DLGAP1: variants seen among roughly 807,000 people sequenced by gnomAD.
DLGAP1 encodes the protein disks large-associated protein 1.
Under a neutral mutation model 90.8 loss-of-function variants are expected in DLGAP1, and 11 were observed. The observed-to-expected ratio is 0.12, with a 90% CI of 0.08 to 0.20. The LOEUF is 0.20. Ranked by LOEUF, DLGAP1 falls within the 10% of genes least tolerant of loss-of-function variation. The pLI is 1.00. For missense variants in DLGAP1, 1,050 were observed against 1,333.8 expected, an observed-to-expected ratio of 0.79 and a Z score of 3.31; for synonymous variants, 558 against 540.7, an observed-to-expected ratio of 1.03 and a Z score of -0.44.
At chr18:3,874,315 C>A in intron 4 of DLGAP1, 1 of 1,536,356 alleles carries the variant, frequency 6.5e-7, no homozygotes, top group South Asian at 1.2e-5. Flanking sequence ...CTCTCTCTCT[C>A]CACTTCTACC....
rs2043757370 is a variant in DLGAP1, at chr18:3,711,884, C to T, written c.1591+17251G>A. On this transcript the variant is annotated intron_variant, in intron 7 of 12. Transcript: ENST00000315677. This position sits in a 1 kb window ranked among gnomAD's most constrained non-coding sequence, Gnocchi z 4.0. ...AAATAAAAAAAGGAAGACAGAAATG[C>T]ATCGGAGTATGAGGTTGTGGTTTAG... Among the ~76,000 whole-genome samples the T allele has an allele frequency of 6.6e-6, 1 of 151,942 alleles. No homozygotes were observed. Among genetic ancestry groups the T allele is most frequent in the Non-Finnish European group, 1.5e-5 (1 of 67,962 alleles).
chr18:3,523,238 A>G (rs559484225), intron 10 of DLGAP1, among the ~76,000 whole-genome samples: 5 of 151,912 alleles, frequency 3.3e-5, no homozygotes, highest in South Asian at 2.1e-4. Flanking sequence ...TTAGCCGGGC[A>G]TGGTGGTGCA....
chr18:4,450,976 A>G (rs998016698), intron 1 of DLGAP1, among the ~76,000 whole-genome samples: 16 of 152,242 alleles, frequency 1.1e-4, no homozygotes, highest in Admixed American at 7.9e-4. Flanking sequence ...CTGTGGATAT[A>G]GATCCACAGG....
intron 1 of DLGAP1, among the ~76,000 whole-genome samples, chr18:4,227,878 TGAA>T (rs1383608958): frequency 6.6e-6 from 1 of 150,636 alleles, no homozygotes; most frequent in Non-Finnish European, 1.5e-5. Context: ...GAAAATGAAA[TGAA>T]GAAAACAATA....
intron 9 of DLGAP1, among the ~76,000 whole-genome samples, chr18:3,544,911 G>C (rs1241351144): frequency 6.6e-6 from 1 of 151,690 alleles, no homozygotes; most frequent in Admixed American, 6.6e-5. Context: ...AATAAATTTT[G>C]CCCTCTATTA....
intron 3 of DLGAP1, among the ~76,000 whole-genome samples, chr18:3,990,187 T>C (rs1180966475): frequency 2.0e-5 from 3 of 152,212 alleles, no homozygotes; most frequent in Non-Finnish European, 4.4e-5. Flanking sequence ...TGCACGTGTA[T>C]GTTTATTGCG....
intron 1 of DLGAP1, among the ~76,000 whole-genome samples, chr18:4,180,254 C>T (rs2077183967): frequency 6.6e-6 from 1 of 152,162 alleles, no homozygotes. Context: ...GCACTCCTGA[C>T]ACTAGTGTTT....
intron 7 of DLGAP1, among the ~76,000 whole-genome samples, chr18:3,666,646 A>T (rs2059894595): frequency 6.6e-6 from 1 of 152,266 alleles, no homozygotes; most frequent in African/African-American, 2.4e-5. Flanking sequence ...CTTTGAAATT[A>T]AAACTCCTTC....
intron 3 of DLGAP1, chr18:3,995,832 C>A (rs548160637): frequency 7.3e-4 from 111 of 151,408 alleles, no homozygotes; most frequent in African/African-American, 2.6e-3. Context: ...GATATTTAAT[C>A]TTATTTATTT....
chr18:4,200,161 T>C (rs1319051195), intron 1 of DLGAP1, among the ~76,000 whole-genome samples: 1 of 152,184 alleles, frequency 6.6e-6, no homozygotes, highest in African/African-American at 2.4e-5. Context: ...TCCTCAATAT[T>C]TCTAATGTAA....
chr18:3,740,314 C>A (rs1399594220), intron 6 of DLGAP1, among the ~76,000 whole-genome samples: 1 of 152,106 alleles, frequency 6.6e-6, no homozygotes, highest in African/African-American at 2.4e-5. Flanking sequence ...GTCCAAAATG[C>A]ACCAAAATGA....
chr18:4,449,732 T>C (rs1017931255), intron 1 of DLGAP1, among the ~76,000 whole-genome samples: 3 of 152,086 alleles, frequency 2.0e-5, no homozygotes, highest in Non-Finnish European at 2.9e-5. Context: ...AAAAGGACCA[T>C]GAAAAAGGAA....
rs377677149 is a variant in DLGAP1, at chr18:4,246,833, T to C, written c.-266-95546A>G. On this transcript the variant is annotated intron_variant, in intron 1 of 12. Coordinates refer to ENST00000315677, the MANE Select transcript of DLGAP1 (RefSeq NM_004746.4). ...GTTTCTTTTCAATTTGTTGTGACAT[T>C]TGTTAGCTCATTTTACCTTTATTTC... is the stretch of plus-strand genomic sequence containing the variant. 1.8e-4 allele frequency among the ~76,000 whole-genome samples: 28 copies of C among 151,966 alleles called. 2 individuals carry two copies. The highest frequency in any genetic ancestry group is 1.7e-3 in the South Asian group (8 of 4,802).
At chr18:4,438,879 G>T (rs536672204) in intron 1 of DLGAP1, among the ~76,000 whole-genome samples, 1 of 152,272 alleles carries the variant, frequency 6.6e-6, no homozygotes. Context: ...TTTAAAGGAA[G>T]CTCAAAATCA....
chr18:3,982,315 C>T (rs1192054494), intron 3 of DLGAP1, among the ~76,000 whole-genome samples: 3 of 152,168 alleles, frequency 2.0e-5, no homozygotes, highest in Non-Finnish European at 4.4e-5. Context: ...ATGTACATAT[C>T]TCAGCTACTT....
intron 9 of DLGAP1, among the ~76,000 whole-genome samples, chr18:3,558,271 C>T (rs796301448): frequency 6.6e-6 from 1 of 152,166 alleles, no homozygotes; most frequent in Admixed American, 6.6e-5. Flanking sequence ...GAGACTGAGT[C>T]TCACTCTGTC....
chr18:3,847,516 A>G (rs1441609865), intron 4 of DLGAP1, among the ~76,000 whole-genome samples: 1 of 152,082 alleles, frequency 6.6e-6, no homozygotes, highest in Non-Finnish European at 1.5e-5. Flanking sequence ...GAAGGGGAGG[A>G]ATAAAAGAAG....
chr18:3,561,414 C>T (rs1298685969), intron 9 of DLGAP1, among the ~76,000 whole-genome samples: 3 of 120,092 alleles, frequency 2.5e-5, no homozygotes, highest in African/African-American at 7.0e-5. Flanking sequence ...CCTTCCTGGG[C>T]GACAGAGCAA....
At chr18:4,441,508 A>G (rs2083534354) in intron 1 of DLGAP1, among the ~76,000 whole-genome samples, 2 of 152,212 alleles carry the variant, frequency 1.3e-5, no homozygotes, top group Non-Finnish European at 2.9e-5. Flanking sequence ...AAAACTCAAA[A>G]ATAAAAGGAC....
Sources: gnomAD v4.1 joint callset for allele counts (sites outside exome capture counted in the v4.1 genomes callset) on GRCh38, gnomAD v4.1.1 for gene constraint, Gnocchi (gnomAD v3.1) non-coding constraint, MANE v1.5 for transcripts, NCBI Gene and HGNC (gene_info 2026-07-23, HGNC 2026-07-21) for gene names.